The following NR1H4 variants were observed in gnomAD, a reference collection of about 807,000 sequenced individuals.
The protein encoded by NR1H4 is bile acid receptor.
A neutral mutation model predicts 58.5 loss-of-function variants in NR1H4; 23 were observed. That is an observed-to-expected ratio of 0.39 (90% confidence interval 0.28 to 0.56). The LOEUF (loss-of-function observed/expected upper bound fraction) is 0.56. Ranked by LOEUF, NR1H4 falls within the 20% of genes least tolerant of loss-of-function variation. The probability of loss-of-function intolerance (pLI) is 0.58; values close to 1 mark genes in which losing one functional copy is unlikely to be tolerated. For missense variants in NR1H4, 487 were observed against 576.9 expected, an observed-to-expected ratio of 0.84 and a Z score of 1.60; for synonymous variants, 214 against 198.0, an observed-to-expected ratio of 1.08 and a Z score of -0.68.
chr12:100,555,806 G>C (rs1955309800), intron 9 of NR1H4, among the ~76,000 whole-genome samples: 1 of 152,168 alleles, frequency 6.6e-6, no homozygotes, highest in Non-Finnish European at 1.5e-5. Context: ...CTCAGAGCTA[G>C]CTTATGACCT....
chr12:100,501,926 G>A (rs947530734), intron 3 of NR1H4, among the ~76,000 whole-genome samples: 7 of 152,062 alleles, frequency 4.6e-5, no homozygotes, highest in Non-Finnish European at 1.0e-4. Context: ...CCCTTCTAAA[G>A]CCCTCATTTC....
At chr12:100,474,753 C>T (rs985038423) in intron 1 of NR1H4, among the ~76,000 whole-genome samples, 6 of 152,090 alleles carry the variant, frequency 3.9e-5, no homozygotes, top group African/African-American at 1.4e-4. Context: ...AACTGTGGAG[C>T]CTGACTTACT....
chr12:100,503,421 A>G (rs376884786), intron 3 of NR1H4: 4 of 1,597,732 alleles, frequency 2.5e-6, no homozygotes, highest in South Asian at 2.2e-5. Flanking sequence ...AGAAAATCCA[A>G]TTCAAATTAG....
chr12:100,501,137 C>T (rs906467711), intron 3 of NR1H4, among the ~76,000 whole-genome samples: 4 of 151,496 alleles, frequency 2.6e-5, no homozygotes, highest in African/African-American at 9.7e-5. Flanking sequence ...CATTTCTTAT[C>T]TAGTATAGAT....
At chr12:100,532,649 T>C (rs1954722912) in intron 5 of NR1H4, 39 bp downstream of exon 5, 1 of 1,592,348 alleles carries the variant, frequency 6.3e-7, no homozygotes, top group East Asian at 2.2e-5. Context: ...TAAAAATCTC[T>C]TAAGGAGGCA....
intron 3 of NR1H4, among the ~76,000 whole-genome samples, chr12:100,494,096 T>C (rs1434486215): frequency 6.6e-6 from 1 of 152,228 alleles, no homozygotes; most frequent in African/African-American, 2.4e-5. Flanking sequence ...ATAGCCCTGC[T>C]GGCAGCCTGG....
In NR1H4 at chr12:100,511,004, G is replaced by T. The variant is rs374888927; in HGVS notation, c.306G>T (p.Glu102Asp). The stretch of plus-strand genomic sequence containing the variant: ...AGACTCTCTACCAGGGAGAAACTGA[G>T]GTAGCAGAGATGCCTGTAACAAAGA... ...PAETLYQGET[E>D]VAEMPVTKKP... The change falls in exon 4 of 11, where the codon GAG becomes GAT. Residue 102 changes from glutamate to aspartate, a missense_variant. Transcript: ENST00000392986. 1 of 1,614,270 alleles carries T rather than the reference G, an allele frequency of 6.2e-7. No homozygotes were observed. The highest frequency in any genetic ancestry group is 8.5e-7 in the Non-Finnish European group (1 of 1,180,050).
chr12:100,484,645 A>T (rs1220468901), intron 1 of NR1H4, among the ~76,000 whole-genome samples: 1 of 152,082 alleles, frequency 6.6e-6, no homozygotes, highest in Non-Finnish European at 1.5e-5. Flanking sequence ...TGCTGTACAC[A>T]AGTTCCTTCC....
At chr12:100,477,861 T>C (rs996925558) in intron 1 of NR1H4, among the ~76,000 whole-genome samples, 1 of 152,192 alleles carries the variant, frequency 6.6e-6, no homozygotes, top group African/African-American at 2.4e-5. Context: ...TAAAAGATTC[T>C]TGCTCTCCTG....
At chr12:100,535,157 G>T (rs1954786611) in intron 6 of NR1H4, 134 bp downstream of exon 6, 1 of 958,094 alleles carries the variant, frequency 1.0e-6, no homozygotes, top group South Asian at 1.4e-5. Context: ...CATTAAAATG[G>T]ATTCCTAATA....
chr12:100,548,189 A>C (rs1478532291), intron 9 of NR1H4, among the ~76,000 whole-genome samples: 3 of 145,316 alleles, frequency 2.1e-5, no homozygotes, highest in African/African-American at 7.6e-5. Context: ...AACATGGTGA[A>C]ACCCCGTCTC....
At chr12:100,515,816 A>G (rs1954251870) in intron 4 of NR1H4, among the ~76,000 whole-genome samples, 1 of 152,228 alleles carries the variant, frequency 6.6e-6, no homozygotes, top group Non-Finnish European at 1.5e-5. Context: ...GTTGTTTAAC[A>G]AGATTTATTT....
intron 4 of NR1H4, among the ~76,000 whole-genome samples, chr12:100,532,149 C>A (rs1454355115): frequency 6.6e-6 from 1 of 152,142 alleles, no homozygotes; most frequent in Non-Finnish European, 1.5e-5. Context: ...GCACTTAGTG[C>A]TCACTGGCAT....
At chr12:100,549,934 C>T (rs773803920) in intron 9 of NR1H4, among the ~76,000 whole-genome samples, 10 of 152,302 alleles carry the variant, frequency 6.6e-5, no homozygotes, top group East Asian at 1.9e-4. Flanking sequence ...TATGCTAATA[C>T]AATCATTCTT....
chr12:100,553,174 AT>A (rs1057404480), intron 9 of NR1H4, among the ~76,000 whole-genome samples: 66 of 152,188 alleles, frequency 4.3e-4, no homozygotes, highest in African/African-American at 1.6e-3. Flanking sequence ...AATTTGTTGT[AT>A]TTTTAGTAGA....
intron 3 of NR1H4, among the ~76,000 whole-genome samples, chr12:100,500,269 G>C (rs981818106): frequency 1.3e-5 from 2 of 152,060 alleles, no homozygotes; most frequent in African/African-American, 4.8e-5. Context: ...CTGAAGGATA[G>C]TTCTCAGAAA....
chr12:100,563,441 C>T lies in NR1H4; in HGVS notation c.1383C>T (p.Asn461=), dbSNP rs375712677. The stretch of plus-strand genomic sequence containing the variant: ...AGATGCTGATGTCATGGAGAGTAAA[C>T]GACCACAAGTTTACCCCACTTCTCT... ...HAEMLMSWRV[N]DHKFTPLLCE... The change falls in exon 11 of 11, where the codon AAC becomes AAT. Residue 461 remains asparagine, a synonymous_variant. Coordinates refer to ENST00000392986, the MANE Select transcript of NR1H4 (RefSeq NM_001206979.2). The T allele has an allele frequency of 1.7e-5, 28 of 1,614,004 alleles. No individual in the cohort carries two copies. In the African/African-American group the frequency reaches 2.0e-4, roughly 12 times the overall value.
rs1955522330 is a variant in NR1H4 at position 100,563,546 on chromosome 12, A to G, written c.*57A>G. 3.0e-6 allele frequency: 4 copies of G among 1,323,812 alleles called. No individual in the cohort carries two copies. Among genetic ancestry groups the G allele is most frequent in the Non-Finnish European group, 4.4e-6 (4 of 915,954 alleles). 82.0% of individuals were successfully genotyped at this position (1,323,812 alleles called of 1,614,324 possible). ...TTTCTCTCTCATATTAATCTGATGT[A>G]TAACTTTCCTTTATTTCACTTGTAC... On this transcript the variant is annotated 3_prime_UTR_variant, in exon 11 of 11. Transcript: ENST00000392986.
chr12:100,562,130 A>G (rs552492341), intron 10 of NR1H4, 132 bp downstream of exon 10: 8 of 622,664 alleles, frequency 1.3e-5, no homozygotes, highest in Non-Finnish European at 2.0e-5. Context: ...CTGCTATCCA[A>G]ATAGAACCAT....
Sources: gnomAD v4.1 joint callset for allele counts (sites outside exome capture counted in the v4.1 genomes callset) on GRCh38, gnomAD v4.1.1 for gene constraint, MANE v1.5 for transcripts, NCBI Gene and HGNC (gene_info 2026-07-23, HGNC 2026-07-21) for gene names.